Variants in MIPOL1 observed in about 807,000 individuals in gnomAD.
The protein encoded by MIPOL1 is mirror-image polydactyly gene 1 protein.
MIPOL1 carries 57 observed loss-of-function variants against 60.9 expected under a neutral mutation model. The observed-to-expected ratio is 0.94, with a 90% CI of 0.76 to 1.17. The LOEUF (loss-of-function observed/expected upper bound fraction) is 1.17. Ranked by LOEUF, MIPOL1 falls within the 50% of genes most tolerant of loss-of-function variation. MIPOL1 has a pLI of 0.00. For missense variants in MIPOL1, 551 were observed against 511.6 expected (o/e 1.08, Z -0.74); for synonymous variants, 179 against 168.8 (o/e 1.06, Z -0.47).
At chr14:37,348,061 T>C (rs1014443045) in intron 9 of MIPOL1, among the ~76,000 whole-genome samples, 2 of 152,172 alleles carry the variant, frequency 1.3e-5, no homozygotes, top group Non-Finnish European at 2.9e-5. Flanking sequence ...CATTCGCCTT[T>C]CTGGCTCTTC....
At chr14:37,544,047 T>A (rs1468321697) in intron 12 of MIPOL1, among the ~76,000 whole-genome samples, 1 of 152,168 alleles carries the variant, frequency 6.6e-6, no homozygotes, top group Non-Finnish European at 1.5e-5. Context: ...GCCAATTGTA[T>A]AAGCAAGAGG....
chr14:37,276,802 G>T (rs1306433768), intron 6 of MIPOL1: 1 of 150,852 alleles, frequency 6.6e-6, no homozygotes, highest in Non-Finnish European at 1.5e-5. Flanking sequence ...AATTTGAAAA[G>T]AAAAAGGATT....
intron 11 of MIPOL1, among the ~76,000 whole-genome samples, chr14:37,492,208 C>T (rs1246350711): frequency 2.0e-5 from 3 of 152,170 alleles, no homozygotes; most frequent in Non-Finnish European, 4.4e-5. Flanking sequence ...TAAAAGTAGA[C>T]ATTATCCTTT....
At chr14:37,230,900 C>G (rs1356285303) in intron 1 of MIPOL1, among the ~76,000 whole-genome samples, 1 of 151,924 alleles carries the variant, frequency 6.6e-6, no homozygotes, top group Non-Finnish European at 1.5e-5. Flanking sequence ...AATATTTTAC[C>G]TATTCATTAT....
chr14:37,353,140 T>G (rs1317888259), intron 9 of MIPOL1, among the ~76,000 whole-genome samples: 3 of 142,030 alleles, frequency 2.1e-5, no homozygotes, highest in Non-Finnish European at 4.6e-5. Flanking sequence ...TGTCAAAGGC[T>G]TTTTCTGCAT....
At chr14:37,334,856 T>C (rs1241124025) in intron 9 of MIPOL1, among the ~76,000 whole-genome samples, 1 of 152,102 alleles carries the variant, frequency 6.6e-6, no homozygotes, top group Non-Finnish European at 1.5e-5. Context: ...TATTGCAAAA[T>C]TGATCATTTT....
intron 10 of MIPOL1, among the ~76,000 whole-genome samples, chr14:37,377,427 G>T (rs1471118242): frequency 1.3e-5 from 2 of 152,028 alleles, no homozygotes; most frequent in Non-Finnish European, 2.9e-5. Context: ...AAAGGCCAAG[G>T]GTAGCTGGCT....
chr14:37,235,544 AT>A, intron 1 of MIPOL1, among the ~76,000 whole-genome samples: 1 of 152,248 alleles, frequency 6.6e-6, no homozygotes, highest in South Asian at 2.1e-4. Flanking sequence ...AGGACTATTT[AT>A]TAATCACAGG....
chr14:37,523,484 A>G (rs1426726215), intron 12 of MIPOL1: 1 of 415,590 alleles, frequency 2.4e-6, no homozygotes, highest in African/African-American at 2.0e-5. Context: ...TCTCAAATAC[A>G]AATCTATTTC....
At chr14:37,471,091 A>G (rs539811852) in intron 11 of MIPOL1, among the ~76,000 whole-genome samples, 3 of 152,318 alleles carry the variant, frequency 2.0e-5, no homozygotes, top group Non-Finnish European at 4.4e-5. Context: ...CACTGAATCT[A>G]TACAAATAAA....
intron 1 of MIPOL1, among the ~76,000 whole-genome samples, chr14:37,221,160 T>C (rs1023487564): frequency 6.6e-6 from 1 of 152,188 alleles, no homozygotes; most frequent in South Asian, 2.1e-4. Context: ...CTTGTGTTGC[T>C]ATAAGAGAAT....
intron 9 of MIPOL1, among the ~76,000 whole-genome samples, chr14:37,323,129 A>G (rs1164688642): frequency 6.6e-6 from 1 of 152,098 alleles, no homozygotes; most frequent in African/African-American, 2.4e-5. Flanking sequence ...TAAATCTTTA[A>G]TCCATCTTGA....
chr14:37,338,804 C>A (rs2090375990), intron 9 of MIPOL1, among the ~76,000 whole-genome samples: 1 of 152,136 alleles, frequency 6.6e-6, no homozygotes, highest in African/African-American at 2.4e-5. Context: ...AGAGCCTTGA[C>A]CCTTCCCTCA....
Position 37,247,841 on chromosome 14 carries a change from G to C in MIPOL1, c.-48G>C. On this transcript the variant is annotated 5_prime_UTR_variant, in exon 3 of 13. Transcript: ENST00000684589. The stretch of plus-strand genomic sequence containing the variant: ...GGCTTTATTTTAGCTGCAAATCTTG[G>C]AGCAAAAACCAGAGACATTGCCAGA... The C allele has an allele frequency of 3.7e-6, 6 of 1,607,784 alleles. No homozygotes were observed. The highest frequency in any genetic ancestry group is 5.1e-6 in the Non-Finnish European group (6 of 1,176,124).
rs114732545 is a variant in MIPOL1, at chr14:37,460,675, G to T, written c.1031+37726G>T. 6.0e-3 allele frequency among the ~76,000 whole-genome samples: 906 copies of T among 152,256 alleles called. 5 individuals carry two copies. The highest frequency in any genetic ancestry group is 0.02 in the African/African-American group (811 of 41,536). The stretch of plus-strand genomic sequence containing the variant: ...CTTCAGTAAAGTTTCGGGATACAAA[G>T]ACAATGTATAAAATCAGTAGCATTT... On this transcript the variant is annotated intron_variant, in intron 11 of 12. Coordinates refer to ENST00000684589, the MANE Select transcript of MIPOL1 (RefSeq NM_001388067.1).
intron 12 of MIPOL1, among the ~76,000 whole-genome samples, chr14:37,515,233 G>A (rs1216004521): frequency 2.0e-5 from 3 of 150,616 alleles, no homozygotes; most frequent in Admixed American, 6.6e-5. Context: ...TTCCTTCAGT[G>A]TTATACATTC....
intron 9 of MIPOL1, among the ~76,000 whole-genome samples, chr14:37,334,544 A>G (rs924196837): frequency 2.6e-5 from 4 of 152,020 alleles, no homozygotes; most frequent in Admixed American, 1.3e-4. Flanking sequence ...TCATACCCTT[A>G]AAGTATACAA....
chr14:37,363,808 C>T (rs1014038962), intron 9 of MIPOL1, among the ~76,000 whole-genome samples: 2 of 152,156 alleles, frequency 1.3e-5, no homozygotes, highest in African/African-American at 4.8e-5. Context: ...GTTTCCTGGC[C>T]GCTTTGTTTA....
At chr14:37,539,828 G>T (rs1208273721) in intron 12 of MIPOL1, among the ~76,000 whole-genome samples, 1 of 152,084 alleles carries the variant, frequency 6.6e-6, no homozygotes, top group Non-Finnish European at 1.5e-5. Context: ...CATTTGATGT[G>T]ATTTGGCTGT....
Sources: gnomAD v4.1 joint callset for allele counts (sites outside exome capture counted in the v4.1 genomes callset) on GRCh38, gnomAD v4.1.1 for gene constraint, MANE v1.5 for transcripts, NCBI Gene and HGNC (gene_info 2026-07-23, HGNC 2026-07-21) for gene names.